The following DMXL2 variants were observed in gnomAD, a reference collection of about 807,000 sequenced individuals.
DMXL2 encodes the protein dmX-like protein 2.
DMXL2 carries 103 observed loss-of-function variants against 331.1 expected under a neutral mutation model. The ratio of observed to expected loss-of-function variants is 0.31; its 90% confidence interval spans 0.27 to 0.37. DMXL2 has a LOEUF of 0.37. DMXL2 is among the 10% of genes least tolerant of loss of function. The probability of loss-of-function intolerance (pLI) is 1.00; values close to 1 mark genes in which losing one functional copy is unlikely to be tolerated. For synonymous variants in DMXL2, 1,281 were observed against 1,252.1 expected, an observed-to-expected ratio of 1.02 and a Z score of -0.49; for missense variants, 3,171 against 3,642.9, an observed-to-expected ratio of 0.87 and a Z score of 3.33.
At chr15:51,486,029 C>T (rs763664216) in intron 23 of DMXL2, 44 bp downstream of exon 23, 1 of 1,516,376 alleles carries the variant, frequency 6.6e-7, no homozygotes, top group South Asian at 1.3e-5. Flanking sequence ...GAAAGTATCT[C>T]TTCCTTTAAA....
rs1014570720 is a variant in DMXL2 at position 51,487,279 on chromosome 15, TA to T, written c.5217+674del. On this transcript the variant is annotated intron_variant, in intron 22 of 43. Transcript: ENST00000560891. ...CAGTTCCTTATTTATGAATTTCATT[TA>T]AAAAAACAGCTTAATGTATCTGCCT... Among the ~76,000 whole-genome samples, 5 of 152,292 alleles carry T rather than the reference TA, an allele frequency of 3.3e-5. No homozygotes were observed. In the South Asian group the frequency reaches 8.3e-4, roughly 25 times the overall value.
intron 29 of DMXL2, among the ~76,000 whole-genome samples, chr15:51,468,638 G>A (rs1272622965): frequency 6.6e-6 from 1 of 152,122 alleles, no homozygotes; most frequent in African/African-American, 2.4e-5. Flanking sequence ...ATAGGTTGAT[G>A]AAGAGACATT....
chr15:51,454,143 C>G lies in DMXL2; in HGVS notation c.8605-502G>C, dbSNP rs117912644. The G allele has an allele frequency of 2.4e-3, 378 of 154,650 alleles. 1 individual carries two copies. Among genetic ancestry groups the G allele is most frequent in the Non-Finnish European group, 3.2e-3 (220 of 69,756 alleles). The allele number at this position is 154,650 out of a possible 1,614,324, so 9.6% of individuals were successfully genotyped here. ...CTTCCATTTCTGCATAGACAAGGTACAGTCTATAGTGTCCTAATTTAAGAG... is the reference window on the plus strand; with the variant it reads ...CTTCCATTTCTGCATAGACAAGGTAGAGTCTATAGTGTCCTAATTTAAGAG... On this transcript the variant is annotated intron_variant, in intron 40 of 43. Transcript: ENST00000560891.
Position 51,622,560 on chromosome 15 carries a change from C to T in DMXL2, c.-15G>A. ...TGCAGATGCATCTCCGGAGCCCGGG[C>T]TGGACAGAATGCGCGGGAGGTGCGA... On this transcript the variant is annotated 5_prime_UTR_variant, in exon 1 of 44. Transcript: ENST00000560891. 1 of 1,546,324 alleles carries T rather than the reference C, an allele frequency of 6.5e-7. No individual in the cohort carries two copies. The highest frequency in any genetic ancestry group is 8.7e-7 in the Non-Finnish European group (1 of 1,144,106).
In DMXL2 at chr15:51,499,378, G is replaced by T. The variant is rs1345451089; in HGVS notation, c.3846C>A (p.Asp1282Glu). The T allele has an allele frequency of 6.2e-7, 1 of 1,613,880 alleles. No homozygotes were observed. The highest frequency in any genetic ancestry group is 1.7e-5 in the Admixed American group (1 of 60,012). ...AQWKHAVKFG[D>E]TEADSSNAEE... ...CTGCATTAGAACTATCAGCTTCAGT[G>T]TCTCCAAATTTGACAGCATGCTTCC... Residue 1282 changes from aspartate (D) to glutamate (E), a missense_variant, in exon 18 of 44, where the codon GAC (aspartate) becomes GAA (glutamate). By Grantham distance (45) the Asp-to-Glu change is conservative (BLOSUM62 2). Transcript: ENST00000560891.
chr15:51,465,460 C>A (rs2140274152), intron 31 of DMXL2, 106 bp downstream of exon 31: 1 of 789,432 alleles, frequency 1.3e-6, no homozygotes, highest in Admixed American at 2.4e-5. Flanking sequence ...ATATCTAATG[C>A]ACTATTTTTT....
At chr15:51,589,858 G>A (rs1173468907) in intron 1 of DMXL2, among the ~76,000 whole-genome samples, 3 of 151,966 alleles carry the variant, frequency 2.0e-5, no homozygotes, top group African/African-American at 7.3e-5. Flanking sequence ...TTTAGGACTC[G>A]ACCCTAAGAA....
intron 18 of DMXL2, among the ~76,000 whole-genome samples, chr15:51,497,622 T>C (rs899109731): frequency 1.3e-5 from 2 of 152,186 alleles, no homozygotes; most frequent in Non-Finnish European, 2.9e-5. Flanking sequence ...GCCAATGCCA[T>C]CATTTACAAT....
Position 51,474,345 on chromosome 15 carries a change from T to C in DMXL2, c.7212A>G (p.Ser2404=), listed in dbSNP as rs770268022. 1.2e-6 allele frequency: 2 copies of C among 1,604,202 alleles called. No homozygotes were observed. The highest frequency in any genetic ancestry group is 1.7e-6 in the Non-Finnish European group (2 of 1,171,990). The change falls in exon 28 of 44, where the codon TCA becomes TCG. Residue 2404 remains serine (S), a splice_region_variant and synonymous_variant. Transcript: ENST00000560891. The stretch of plus-strand genomic sequence containing the variant: ...TTACTGGTATCAAACGTATCTTACC[T>C]GAAATATTTTCTGATTGTCTTCGAG... The part of the protein sequence containing the change: ...VKPRRQSENI[S]APPVLSEDID...
At chr15:51,536,015 T>C (rs78581640) in intron 12 of DMXL2, 151 bp downstream of exon 12, 16,141 of 875,184 alleles carry the variant, frequency 0.018, 326 homozygotes, top group East Asian at 0.082. Flanking sequence ...ATCAGTCTCA[T>C]GCCTGTATTC....
chr15:51,514,578 A>AG lies in DMXL2; in HGVS notation c.2527-20_2527-19insC. ...AGCCACACTACAAATACAAAAAAAA[A>AG]TGAAGAGGTTTTATCTTTGAAATTC... On this transcript the variant is annotated intron_variant, in intron 14 of 43. Coordinates refer to ENST00000560891, the MANE Select transcript of DMXL2 (RefSeq NM_001378457.1). The AG allele has an allele frequency of 6.8e-7, 1 of 1,470,568 alleles. No homozygotes were observed. The highest frequency in any genetic ancestry group is 9.4e-7 in the Non-Finnish European group (1 of 1,068,838). The allele number at this position is 1,470,568 out of a possible 1,614,324, so 91.1% of individuals were successfully genotyped here.
chr15:51,591,384 G>C (rs1029413467), intron 1 of DMXL2, among the ~76,000 whole-genome samples: 1 of 152,174 alleles, frequency 6.6e-6, no homozygotes, highest in Non-Finnish European at 1.5e-5. Flanking sequence ...GCGGCTGGGG[G>C]AGGGGCGCCC....
chr15:51,449,163 G>C lies in DMXL2; in HGVS notation c.8998C>G (p.His3000Asp), dbSNP rs764523096. The C allele has an allele frequency of 1.2e-6, 2 of 1,614,096 alleles. No homozygotes were observed. The highest frequency in any genetic ancestry group is 2.2e-5 in the East Asian group (1 of 44,884). ...TTAGCATGTTCACTTTTAAATGAATGAATTAGGCCATGGCCTGTCAATCTC... is the reference window on the plus strand; with the variant it reads ...TTAGCATGTTCACTTTTAAATGAATCAATTAGGCCATGGCCTGTCAATCTC... Reference protein sequence around the residue: ...VWRLTGHGLIHSFKSEHAKQS... With the variant: ...VWRLTGHGLIDSFKSEHAKQS... The change falls in exon 44 of 44, where the codon CAT becomes GAT. Residue 3000 changes from histidine (H) to aspartate (D), a missense_variant. By Grantham distance (81) the His-to-Asp change is moderately conservative. Coordinates refer to ENST00000560891, the MANE Select transcript of DMXL2 (RefSeq NM_001378457.1).
intron 18 of DMXL2, 110 bp downstream of exon 18, chr15:51,498,442 C>T: frequency 1.8e-6 from 2 of 1,117,830 alleles, no homozygotes; most frequent in Non-Finnish European, 2.5e-6. Context: ...AGGTCTTTTC[C>T]CTGCAAAGTT....
chr15:51,509,628 C>A (rs929591592), intron 15 of DMXL2, among the ~76,000 whole-genome samples: 42 of 152,164 alleles, frequency 2.8e-4, no homozygotes, highest in African/African-American at 1.0e-3. Flanking sequence ...ACCAGAGGTA[C>A]AAAGAGGAGC....
intron 1 of DMXL2, among the ~76,000 whole-genome samples, chr15:51,582,563 G>C (rs1261380003): frequency 6.6e-6 from 1 of 152,132 alleles, no homozygotes; most frequent in African/African-American, 2.4e-5. Context: ...ACAAAACACA[G>C]ATTAACAAAG....
At position 51,510,773 on chromosome 15, in the gene DMXL2, C is replaced by T. The variant is rs145208110; in HGVS notation, c.2645-3520G>A. ...AAAAAGAATAAAGCTTGAGGCATCA[C>T]GCTACCTGACTTCAAACTATACTAC... On this transcript the variant is annotated intron_variant, in intron 15 of 43. Coordinates refer to ENST00000560891, the MANE Select transcript of DMXL2 (RefSeq NM_001378457.1). 1.9e-3 allele frequency among the ~76,000 whole-genome samples: 287 copies of T among 152,240 alleles called. 1 individual carries two copies. Among genetic ancestry groups the T allele is most frequent in the African/African-American group, 6.3e-3 (262 of 41,542 alleles).
chr15:51,523,663 A>ACAGAGACAGACTG (rs56259821), intron 13 of DMXL2, among the ~76,000 whole-genome samples: 1 of 151,880 alleles, frequency 6.6e-6, no homozygotes, highest in Non-Finnish European at 1.5e-5. Context: ...CCATGAGAAG[A>ACAGAGACAGACTG]CAGTGATGCA....
chr15:51,550,898 AT>A (rs1374076852), intron 6 of DMXL2, among the ~76,000 whole-genome samples: 1 of 152,178 alleles, frequency 6.6e-6, no homozygotes, highest in Non-Finnish European at 1.5e-5. Context: ...TACCACATTT[AT>A]AAAAAATAGA....
Sources: allele counts gnomAD v4.1 joint callset (sites outside exome capture counted in the v4.1 genomes callset), GRCh38; gene constraint gnomAD v4.1.1; transcripts MANE v1.5; gene names NCBI Gene and HGNC (gene_info 2026-07-23, HGNC 2026-07-21).